AQR: variants seen among roughly 807,000 people sequenced by gnomAD.
AQR encodes aquarius intron-binding spliceosomal factor.
Under a neutral mutation model 180.5 loss-of-function variants are expected in AQR, and 61 were observed. The ratio of observed to expected loss-of-function variants is 0.34; its 90% CI spans 0.28 to 0.42. AQR has a LOEUF of 0.42. Ranked by LOEUF, AQR falls within the 10% of genes least tolerant of loss-of-function variation. AQR has a pLI of 1.00. For missense variants in AQR, 1,281 were observed against 1,798.3 expected (o/e 0.71, Z 5.20); for synonymous variants, 551 against 588.8 (o/e 0.94, Z 0.93).
In AQR at chr15:34,910,274, C is replaced by T. The variant is rs751534402; in HGVS notation, c.1524G>A (p.Ala508=). The change falls in exon 17 of 35, where the codon GCG becomes GCA. Residue 508 remains alanine (A), a synonymous_variant. Coordinates refer to ENST00000156471, the MANE Select transcript of AQR (RefSeq NM_014691.3). ...AAGCCACAATGGGCTGGGCCATTCG[C>T]GCCCAACCACCAAACACTACACCGC... ...EYGGVVFGGW[A]RMAQPIVAFT... 29 of 1,613,690 alleles carry T rather than the reference C, an allele frequency of 1.8e-5. No individual in the cohort carries two copies. The highest frequency in any genetic ancestry group is 8.9e-5 in the East Asian group (4 of 44,856).
At chr15:34,943,484 A>T (rs1040499016) in intron 6 of AQR, 7 of 482,742 alleles carry the variant, frequency 1.5e-5, no homozygotes, top group South Asian at 1.1e-4. Context: ...AATAAATAAA[A>T]ATAAATGTTA....
At chr15:34,863,818 T>C (rs1566978269) in intron 32 of AQR, among the ~76,000 whole-genome samples, 1 of 152,194 alleles carries the variant, frequency 6.6e-6, no homozygotes, top group Non-Finnish European at 1.5e-5. Flanking sequence ...AGAGGGCTAA[T>C]GTAATTTCAC....
At chr15:34,920,238 C>G in intron 14 of AQR, 94 bp downstream of exon 14, 1 of 793,752 alleles carries the variant, frequency 1.3e-6, no homozygotes, top group Non-Finnish European at 2.0e-6. Context: ...TAATCTTTGG[C>G]CCACAAAAAA....
In AQR at chr15:34,915,003, C is replaced by T. The variant is rs145870594; in HGVS notation, c.1484+35G>A. 690 of 1,566,556 alleles carry T rather than the reference C, an allele frequency of 4.4e-4. 4 individuals are homozygous for T. The African/African-American group carries it at 8.5e-3, about 19-fold the overall frequency. On this transcript the variant is annotated intron_variant, in intron 16 of 34. Coordinates refer to ENST00000156471, the MANE Select transcript of AQR (RefSeq NM_014691.3). ...ACAGAAGTTTATCAGTCACTGTTTG[C>T]ATCTCTTCATTACAGGTGGAACCAA...
rs1279249042 is a variant in AQR at position 34,893,643 on chromosome 15, A to G, written c.2571+20T>C. 1.9e-6 allele frequency: 3 copies of G among 1,585,870 alleles called. No individual in the cohort carries two copies. The East Asian group carries it at 6.7e-5, about 35-fold the overall frequency. ...CACACACACACACACACACACACAC[A>G]CACACACACAGTCATTTACCTGATT... On this transcript the variant is annotated intron_variant, in intron 23 of 34. Transcript: ENST00000156471.
rs1893919550 is a variant in AQR at position 34,934,612 on chromosome 15, G to A, written c.742C>T (p.His248Tyr). The A allele has an allele frequency of 1.9e-6, 3 of 1,584,980 alleles. No homozygotes were observed. Among genetic ancestry groups the A allele is most frequent in the Non-Finnish European group, 2.6e-6 (3 of 1,168,868 alleles). ...AGTTCAATGAATCTTTCACAGTAATGAACTTTGTCCATAGTGACAGGTTCT... is the reference window on the plus strand; with the variant it reads ...AGTTCAATGAATCTTTCACAGTAATAAACTTTGTCCATAGTGACAGGTTCT... ...LSEPVTMDKV[H>Y]YCERFIELMI... The change falls in exon 10 of 35, where the codon CAT (histidine) becomes TAT (tyrosine). Residue 248 changes from histidine (H) to tyrosine (Y), a missense_variant. His to Tyr is a moderately conservative substitution (Grantham distance 83). This residue lies in a region of AQR where 404 missense variants were observed against 490.9 expected (regional missense o/e 0.82). Coordinates refer to ENST00000156471, the MANE Select transcript of AQR (RefSeq NM_014691.3).
chr15:34,879,310 G>A (rs966254530), intron 27 of AQR, among the ~76,000 whole-genome samples: 1 of 152,162 alleles, frequency 6.6e-6, no homozygotes, highest in African/African-American at 2.4e-5. Context: ...GAAACTGGCT[G>A]GAACCAATAT....
At chr15:34,909,896 G>A (rs1233703359) in intron 17 of AQR, among the ~76,000 whole-genome samples, 1 of 152,072 alleles carries the variant, frequency 6.6e-6, no homozygotes, top group Non-Finnish European at 1.5e-5. Context: ...ACGTTGATAT[G>A]TATGCAATTT....
At chr15:34,967,707 G>A (rs1184328147) in intron 1 of AQR, among the ~76,000 whole-genome samples, 2 of 152,184 alleles carry the variant, frequency 1.3e-5, no homozygotes, top group South Asian at 2.1e-4. Context: ...TAGAAAGGAA[G>A]AGGAAAAAGA....
chr15:34,896,999 G>C (rs1172468730), intron 21 of AQR, 33 bp from the exon 22 acceptor site: 1 of 1,513,522 alleles, frequency 6.6e-7, no homozygotes, highest in Non-Finnish European at 9.2e-7. Flanking sequence ...AGTTGGTACA[G>C]ATAAATGATG....
At chr15:34,887,055 G>A (rs965036084) in intron 24 of AQR, among the ~76,000 whole-genome samples, 3 of 151,834 alleles carry the variant, frequency 2.0e-5, no homozygotes, top group Non-Finnish European at 2.9e-5. Flanking sequence ...AACCTGGGAG[G>A]CGGAGCTTGC....
chr15:34,925,399 T>C (rs1015790869), intron 13 of AQR, among the ~76,000 whole-genome samples: 2 of 152,260 alleles, frequency 1.3e-5, no homozygotes, highest in Non-Finnish European at 2.9e-5. Context: ...TGTAAATTGA[T>C]AGTCTTTTCT....
At chr15:34,870,686 A>G (rs750754095) in intron 31 of AQR, 66 bp downstream of exon 31, 55 of 1,390,088 alleles carry the variant, frequency 4.0e-5, no homozygotes, top group Middle Eastern at 5.3e-4. Flanking sequence ...GCAAAGCAGA[A>G]CAATATAAAC....
chr15:34,964,361 A>C, intron 1 of AQR, 71 bp from the exon 2 acceptor site: 1 of 1,277,052 alleles, frequency 7.8e-7, no homozygotes, highest in South Asian at 1.2e-5. Flanking sequence ...CAGATCATTT[A>C]GTGATAAGCG....
chr15:34,930,212 A>T (rs1381730823), intron 12 of AQR, 46 bp downstream of exon 12: 1 of 1,235,242 alleles, frequency 8.1e-7, no homozygotes, highest in Admixed American at 1.9e-5. Flanking sequence ...TTGCAGTATG[A>T]TAAAACCTTA....
intron 9 of AQR, 131 bp downstream of exon 9, chr15:34,938,606 G>C (rs1463052150): frequency 1.7e-6 from 1 of 600,376 alleles, no homozygotes; most frequent in Non-Finnish European, 3.0e-6. Flanking sequence ...TATTTAAAAA[G>C]GAGAGGACAT....
At chr15:34,876,038 G>C (rs372471856) in intron 27 of AQR, 32 bp from the exon 28 acceptor site, 112 of 1,542,574 alleles carry the variant, frequency 7.3e-5, no homozygotes, top group Non-Finnish European at 9.6e-5. Context: ...CATAAAGACA[G>C]CTTAAAAGTC....
Position 34,854,480 on chromosome 15 carries a change from C to T in AQR, c.*2312G>A, listed in dbSNP as rs2140453842. ...GACTTGGATTCTACCCCCACTCTTC[C>T]ATAGTTGCCACCCTGGTTAAGTCTC... is the stretch of plus-strand genomic sequence containing the variant. On this transcript the variant is annotated 3_prime_UTR_variant, in exon 35 of 35. Transcript: ENST00000156471. 1 of 152,254 alleles carries T rather than the reference C, an allele frequency of 6.6e-6. No individual in the cohort carries two copies. The highest frequency in any genetic ancestry group is 2.1e-4 in the South Asian group (1 of 4,830). 9.4% of individuals were successfully genotyped at this position (152,254 alleles called of 1,614,324 possible).
intron 16 of AQR, among the ~76,000 whole-genome samples, chr15:34,912,546 C>CA (rs1229582955): frequency 1.3e-5 from 2 of 150,032 alleles, no homozygotes; most frequent in East Asian, 3.9e-4. Context: ...GCTATAATTT[C>CA]AAAAAAAATT....
Sources: gnomAD v4.1 joint callset for allele counts (sites outside exome capture counted in the v4.1 genomes callset) on GRCh38, gnomAD v4.1.1 for gene constraint, gnomAD v4.1.1 regional missense constraint, MANE v1.5 for transcripts, NCBI Gene and HGNC (gene_info 2026-07-23, HGNC 2026-07-21) for gene names.